PXDNL: variants seen among roughly 807,000 people sequenced by gnomAD.
PXDNL encodes the protein probable oxidoreductase PXDNL.
A neutral mutation model predicts 150.8 loss-of-function variants in PXDNL; 145 were observed. The observed-to-expected ratio is 0.96, with a 90% confidence interval of 0.84 to 1.10. The LOEUF (loss-of-function observed/expected upper bound fraction) is 1.10. Ranked by LOEUF, PXDNL falls within the 50% of genes least tolerant of loss-of-function variation. The pLI is 0.00. For synonymous variants in PXDNL, 757 were observed against 725.7 expected (o/e 1.04, Z -0.69); for missense variants, 2,087 against 1,873.9 (o/e 1.11, Z -2.10).
chr8:51,348,439 C>T (rs372172205), intron 19 of PXDNL, among the ~76,000 whole-genome samples: 1 of 152,278 alleles, frequency 6.6e-6, no homozygotes, highest in African/African-American at 2.4e-5. Flanking sequence ...AATGTGACAG[C>T]TAAAATGTTG....
chr8:51,368,343 A>G (rs1313685839), intron 19 of PXDNL, among the ~76,000 whole-genome samples: 2 of 152,234 alleles, frequency 1.3e-5, no homozygotes, highest in East Asian at 3.8e-4. Context: ...ATAACAAGAT[A>G]TAATGATGTA....
At chr8:51,635,836 G>A (rs776117271) in intron 2 of PXDNL, among the ~76,000 whole-genome samples, 12 of 152,056 alleles carry the variant, frequency 7.9e-5, no homozygotes, top group Admixed American at 3.3e-4. Context: ...AGGAAAGAAC[G>A]CTTCTTAACT....
intron 17 of PXDNL, among the ~76,000 whole-genome samples, chr8:51,402,857 T>G (rs1808299729): frequency 6.6e-6 from 1 of 150,932 alleles, no homozygotes; most frequent in Non-Finnish European, 1.5e-5. Context: ...GGTCAGGAGA[T>G]CGAGACCATC....
intron 4 of PXDNL, among the ~76,000 whole-genome samples, chr8:51,516,818 A>G (rs1471361086): frequency 6.6e-6 from 1 of 152,214 alleles, no homozygotes; most frequent in Non-Finnish European, 1.5e-5. Flanking sequence ...TATGCATTTA[A>G]TAGATGCTCC....
At chr8:51,569,503 G>A (rs1812887313) in intron 3 of PXDNL, among the ~76,000 whole-genome samples, 1 of 151,818 alleles carries the variant, frequency 6.6e-6, no homozygotes, top group Non-Finnish European at 1.5e-5. Flanking sequence ...CTCTAGGAAG[G>A]CAAATAAACA....
In PXDNL at chr8:51,654,901, T is replaced by C. The variant is rs888726805; in HGVS notation, c.165-141A>G. 11 of 681,774 alleles carry C rather than the reference T, an allele frequency of 1.6e-5. No individual in the cohort carries two copies. The African/African-American group carries it at 1.8e-4, about 11-fold the overall frequency. The allele number at this position is 681,774 out of a possible 1,614,324, so 42.2% of individuals were successfully genotyped here. Reference sequence around the variant, plus strand: ...CTAAATATAATTAAGACAGAACTAGTGCACATCATACACTAATCATTAGGG... The same window carrying C: ...CTAAATATAATTAAGACAGAACTAGCGCACATCATACACTAATCATTAGGG... On this transcript the variant is annotated intron_variant, in intron 1 of 22. Coordinates refer to ENST00000356297, the MANE Select transcript of PXDNL (RefSeq NM_144651.5).
intron 4 of PXDNL, among the ~76,000 whole-genome samples, chr8:51,502,162 G>A (rs1183047764): frequency 1.3e-5 from 2 of 152,178 alleles, no homozygotes. Context: ...TGTGTGGTAG[G>A]TTCTATAAAT....
intron 4 of PXDNL, among the ~76,000 whole-genome samples, chr8:51,506,312 G>A (rs1460251027): frequency 6.6e-6 from 1 of 152,120 alleles, no homozygotes; most frequent in Non-Finnish European, 1.5e-5. Flanking sequence ...GGAGGCCAAG[G>A]CGGGCGGATC....
intron 2 of PXDNL, among the ~76,000 whole-genome samples, chr8:51,644,377 T>TATACAC (rs1554561797): frequency 7.5e-5 from 6 of 79,490 alleles, no homozygotes; most frequent in African/African-American, 2.1e-4. Context: ...TGTATATATA[T>TATACAC]ACACACACAT....
chr8:51,377,357 G>C (rs1807356272), intron 17 of PXDNL, among the ~76,000 whole-genome samples: 1 of 152,120 alleles, frequency 6.6e-6, no homozygotes, highest in Non-Finnish European at 1.5e-5. Flanking sequence ...TGGCAGCCCT[G>C]GCAGCCCTCA....
chr8:51,538,581 C>T (rs1355879775), intron 4 of PXDNL, among the ~76,000 whole-genome samples: 1 of 152,030 alleles, frequency 6.6e-6, no homozygotes, highest in East Asian at 1.9e-4. Context: ...GGCTGGCCAA[C>T]ATGATGAAAC....
intron 1 of PXDNL, among the ~76,000 whole-genome samples, chr8:51,718,699 TCTG>T (rs1201893130): frequency 4.6e-5 from 7 of 152,202 alleles, no homozygotes; most frequent in Non-Finnish European, 1.0e-4. Flanking sequence ...GATGGACACA[TCTG>T]CTTGAAGTAT....
chr8:51,492,995 C>T (rs1449047289), intron 5 of PXDNL, among the ~76,000 whole-genome samples: 1 of 152,218 alleles, frequency 6.6e-6, no homozygotes, highest in Non-Finnish European at 1.5e-5. Flanking sequence ...TCAAGTGGGT[C>T]TCTGAACCCT....
intron 13 of PXDNL, among the ~76,000 whole-genome samples, chr8:51,424,553 TATA>T (rs1284680961): frequency 3.3e-5 from 5 of 151,950 alleles, no homozygotes; most frequent in Middle Eastern, 6.8e-3. Context: ...CAATTAAAAA[TATA>T]AGAAGATAAA....
At chr8:51,536,746 C>T (rs1462100317) in intron 4 of PXDNL, among the ~76,000 whole-genome samples, 1 of 151,988 alleles carries the variant, frequency 6.6e-6, no homozygotes. Flanking sequence ...ATATTTGCTG[C>T]AACACTAAAT....
intron 4 of PXDNL, among the ~76,000 whole-genome samples, chr8:51,536,625 G>GTT (rs11310622): frequency 4.7e-4 from 69 of 147,524 alleles, no homozygotes; most frequent in Admixed American, 9.4e-4. Flanking sequence ...AAGTCTTTCA[G>GTT]TTTTTTTTTT....
At chr8:51,683,164 C>CATCTATATATAT (rs1554566149) in intron 1 of PXDNL, among the ~76,000 whole-genome samples, 3 of 44,450 alleles carry the variant, frequency 6.7e-5, no homozygotes, top group Non-Finnish European at 1.2e-4. Flanking sequence ...AATTGTCTTT[C>CATCTATATATAT]ATATATATAT....
intron 1 of PXDNL, among the ~76,000 whole-genome samples, chr8:51,769,744 C>T (rs2037271651): frequency 6.6e-6 from 1 of 152,282 alleles, no homozygotes; most frequent in Admixed American, 6.5e-5. Flanking sequence ...TTTTAAAAAC[C>T]ATATAGCTAA....
At chr8:51,486,780 ATATATATATATATATTTT>A (rs1810759985) in intron 5 of PXDNL, among the ~76,000 whole-genome samples, 1 of 17,800 alleles carries the variant, frequency 5.6e-5, no homozygotes. Flanking sequence ...ATATATATAT[ATATATATATATATATTTT>A]TTTTTTTTTT....
Sources: allele counts gnomAD v4.1 joint callset (sites outside exome capture counted in the v4.1 genomes callset), GRCh38; gene constraint gnomAD v4.1.1; transcripts MANE v1.5; gene names NCBI Gene and HGNC (gene_info 2026-07-23, HGNC 2026-07-21).